ACAD11: variants seen among roughly 807,000 people sequenced by gnomAD.
ACAD11 encodes the protein acyl-CoA dehydrogenase family member 11.
A neutral mutation model predicts 102.2 loss-of-function variants in ACAD11; 83 were observed. That is an observed-to-expected ratio of 0.81 (90% CI 0.68 to 0.97). The LOEUF is 0.97. ACAD11 is among the 50% of genes least tolerant of loss of function. The probability of loss-of-function intolerance (pLI) is 0.00; values close to 1 mark genes in which losing one functional copy is unlikely to be tolerated. For missense variants in ACAD11, 901 were observed against 951.7 expected, an observed-to-expected ratio of 0.95 and a Z score of 0.70; for synonymous variants, 324 against 319.8, an observed-to-expected ratio of 1.01 and a Z score of -0.14.
chr3:132,563,685 G>A (rs557234571), intron 17 of ACAD11, among the ~76,000 whole-genome samples: 61 of 152,200 alleles, frequency 4.0e-4, no homozygotes, highest in African/African-American at 1.3e-3. Flanking sequence ...TGTTTGATAC[G>A]TTCCTTAGGA....
intron 5 of ACAD11, among the ~76,000 whole-genome samples, chr3:132,632,457 G>A (rs751684583): frequency 1.2e-4 from 18 of 152,232 alleles, no homozygotes; most frequent in Middle Eastern, 3.4e-3. Flanking sequence ...AGTATATAGC[G>A]TATGATCCAA....
At chr3:132,611,314 A>G (rs918117316) in intron 11 of ACAD11, among the ~76,000 whole-genome samples, 1 of 152,052 alleles carries the variant, frequency 6.6e-6, no homozygotes, top group Non-Finnish European at 1.5e-5. Flanking sequence ...AAACTGGCAC[A>G]AGATAGGGAT....
At chr3:132,644,737 T>G (rs969574042) in intron 2 of ACAD11, 60 bp downstream of exon 2, 16 of 961,652 alleles carry the variant, frequency 1.7e-5, no homozygotes, top group Non-Finnish European at 2.3e-5. Flanking sequence ...ATTGGCTTTG[T>G]GTGTATTAAA....
chr3:132,560,816 G>A (rs973285228), intron 18 of ACAD11, among the ~76,000 whole-genome samples: 5 of 152,114 alleles, frequency 3.3e-5, no homozygotes, highest in Non-Finnish European at 7.4e-5. Flanking sequence ...GAAAGTGGCA[G>A]AGTGGGTGCA....
At chr3:132,576,064 A>G in intron 16 of ACAD11, 138 bp from the exon 17 acceptor site, 2 of 891,060 alleles carry the variant, frequency 2.2e-6, no homozygotes, top group Non-Finnish European at 3.3e-6. Context: ...CAGTTCTATA[A>G]TAAGGTTCAC....
At chr3:132,584,518 G>T (rs1937714485) in intron 13 of ACAD11, among the ~76,000 whole-genome samples, 1 of 152,010 alleles carries the variant, frequency 6.6e-6, no homozygotes, top group African/African-American at 2.4e-5. Flanking sequence ...TTTCCAATTT[G>T]CCAGTCTGTG....
intron 13 of ACAD11, among the ~76,000 whole-genome samples, chr3:132,593,423 C>G (rs2107810414): frequency 6.6e-6 from 1 of 152,216 alleles, no homozygotes; most frequent in South Asian, 2.1e-4. Flanking sequence ...ATAATGAAAA[C>G]ATTCAAAAGC....
At chr3:132,572,444 A>G (rs904786391) in intron 17 of ACAD11, among the ~76,000 whole-genome samples, 2 of 152,248 alleles carry the variant, frequency 1.3e-5, no homozygotes, top group East Asian at 3.8e-4. Context: ...TGAAGAATCA[A>G]TATCATTAAA....
rs144139484 is a variant in ACAD11 at position 132,642,770 on chromosome 3, C to A, written c.282G>T (p.Leu94Phe). 6.2e-7 allele frequency: 1 copy of A among 1,613,040 alleles called. No homozygotes were observed. Among genetic ancestry groups the A allele is most frequent in the Non-Finnish European group, 8.5e-7 (1 of 1,179,624 alleles). Reference sequence around the variant, plus strand: ...TGGGAACGGGGAATCCAATTGAAAACAAGGCTTTCTGGACTTTAAATTCTC... The same window carrying A: ...TGGGAACGGGGAATCCAATTGAAAAAAAGGCTTTCTGGACTTTAAATTCTC... ...IDREFKVQKALFSIGFPVPKP... is the reference protein window; with the variant it reads ...IDREFKVQKAFFSIGFPVPKP... The change falls in exon 3 of 20, where the codon TTG becomes TTT. Residue 94 changes from leucine (L) to phenylalanine (F), a missense_variant. Transcript: ENST00000264990.
At chr3:132,590,405 G>A (rs1297508796) in intron 13 of ACAD11, among the ~76,000 whole-genome samples, 2 of 151,974 alleles carry the variant, frequency 1.3e-5, no homozygotes, top group African/African-American at 4.8e-5. Context: ...TTACAGGCAT[G>A]GCCACCATGC....
chr3:132,651,999 G>A (rs1270125828), intron 1 of ACAD11, among the ~76,000 whole-genome samples: 1 of 152,138 alleles, frequency 6.6e-6, no homozygotes, highest in East Asian at 1.9e-4. Context: ...ACTGTCAGAA[G>A]GCATGATTCA....
At chr3:132,613,956 A>T (rs950506517) in intron 11 of ACAD11, among the ~76,000 whole-genome samples, 2 of 152,114 alleles carry the variant, frequency 1.3e-5, no homozygotes, top group African/African-American at 4.8e-5. Flanking sequence ...CCTTAAGCTG[A>T]TAAGCAACTT....
rs559137175 is a variant in ACAD11 at position 132,659,805 on chromosome 3, G to C, written c.-54C>G. On this transcript the variant is annotated 5_prime_UTR_variant, in exon 1 of 20. Transcript: ENST00000264990. ...GCATCCACAGGTCTCGAGTGCCGAA[G>C]TCCTTCAGGATTGGGGCAACGTCCC... The C allele has an allele frequency of 2.6e-6, 4 of 1,533,248 alleles. No individual in the cohort carries two copies. The highest frequency in any genetic ancestry group is 3.5e-6 in the Non-Finnish European group (4 of 1,141,612). 95.0% of individuals were successfully genotyped at this position (1,533,248 alleles called of 1,614,324 possible). A position where few individuals can be genotyped will look rare whatever the true frequency, so the allele number is the denominator to read the frequency against.
Position 132,579,488 on chromosome 3 carries a change from T to G in ACAD11, c.1688+4A>C, listed in dbSNP as rs886406174. The G allele has an allele frequency of 6.2e-7, 1 of 1,611,098 alleles. No individual in the cohort carries two copies. The highest frequency in any genetic ancestry group is 2.2e-5 in the East Asian group (1 of 44,782). On this transcript the variant is annotated splice_donor_region_variant and intron_variant, in intron 14 of 19. Transcript: ENST00000264990. ...AGGTTTCTCAATCAGAATTGTTTAA[T>G]TACCTGGAGAGAGAAGTATTTTGAG...
intron 17 of ACAD11, among the ~76,000 whole-genome samples, chr3:132,569,428 AAC>A (rs550766217): frequency 5.3e-4 from 81 of 152,332 alleles, no homozygotes; most frequent in Non-Finnish European, 9.7e-4. Context: ...AAAAAAACTA[AAC>A]ATGCAACTAC....
intron 13 of ACAD11, among the ~76,000 whole-genome samples, chr3:132,594,528 G>C (rs906187059): frequency 6.6e-6 from 1 of 152,192 alleles, no homozygotes; most frequent in Non-Finnish European, 1.5e-5. Flanking sequence ...GGTACCATGA[G>C]TAAGGTACCA....
Position 132,639,480 on chromosome 3 carries a change from A to G in ACAD11, c.702+12T>C, listed in dbSNP as rs1191581235. ...GACCTACTCAATTAATTGTAAACAT[A>G]GCTAACTGTACCTCTTTAGGGTGGA... On this transcript the variant is annotated intron_variant, in intron 5 of 19. Transcript: ENST00000264990. 2 of 1,609,556 alleles carry G rather than the reference A, an allele frequency of 1.2e-6. No homozygotes were observed. Among genetic ancestry groups the G allele is most frequent in the Non-Finnish European group, 1.7e-6 (2 of 1,178,146 alleles).
At chr3:132,631,132 A>G (rs1196186527) in intron 6 of ACAD11, among the ~76,000 whole-genome samples, 1 of 152,212 alleles carries the variant, frequency 6.6e-6, no homozygotes, top group Non-Finnish European at 1.5e-5. Context: ...GTGCACATGT[A>G]CCCTAAAACT....
chr3:132,569,653 C>G (rs76651220), intron 17 of ACAD11, among the ~76,000 whole-genome samples: 1 of 152,070 alleles, frequency 6.6e-6, no homozygotes, highest in Non-Finnish European at 1.5e-5. Context: ...AATGAACCAA[C>G]TACTGATAAA....
Sources: gnomAD v4.1 joint callset for allele counts (sites outside exome capture counted in the v4.1 genomes callset) on GRCh38, gnomAD v4.1.1 for gene constraint, MANE v1.5 for transcripts, NCBI Gene and HGNC (gene_info 2026-07-23, HGNC 2026-07-21) for gene names.